Variants in SEMA6A observed in about 807,000 individuals in gnomAD.
SEMA6A encodes semaphorin-6A.
Under a neutral mutation model 96.8 loss-of-function variants are expected in SEMA6A, and 25 were observed. The ratio of observed to expected loss-of-function variants is 0.26; its 90% CI spans 0.19 to 0.36. SEMA6A has a LOEUF of 0.36. SEMA6A is among the 10% of genes least tolerant of loss of function. The pLI is 1.00. For missense variants in SEMA6A, 1,363 were observed against 1,323.1 expected (o/e 1.03, Z -0.47); for synonymous variants, 612 against 518.0 (o/e 1.18, Z -2.46).
At chr5:116,536,706 G>A (rs1034261605) in intron 1 of SEMA6A, among the ~76,000 whole-genome samples, 1 of 152,060 alleles carries the variant, frequency 6.6e-6, no homozygotes, top group African/African-American at 2.4e-5. Context: ...ACTGGCACCA[G>A]TCCCAGGTCC....
Position 116,482,494 on chromosome 5 carries a change from A to G in SEMA6A, c.1044T>C (p.Ser348=). ...GAACTGGTGTCCAGGTGGAATCAGGAGACTTCTGTTCCTTGAATCTCCCAG... is the reference window on the plus strand; with the variant it reads ...GAACTGGTGTCCAGGTGGAATCAGGGGACTTCTGTTCCTTGAATCTCCCAG... ...VFTGRFKEQK[S]PDSTWTPVPD... Residue 348 remains serine (S), a synonymous_variant, in exon 11 of 19, where the codon TCT becomes TCC. Coordinates refer to ENST00000343348, the MANE Select transcript of SEMA6A (RefSeq NM_020796.5). 1 of 1,613,586 alleles carries G rather than the reference A, an allele frequency of 6.2e-7. No homozygotes were observed. Among genetic ancestry groups the G allele is most frequent in the Non-Finnish European group, 8.5e-7 (1 of 1,179,660 alleles).
intron 11 of SEMA6A, among the ~76,000 whole-genome samples, chr5:116,481,718 G>C (rs1181434259): frequency 6.6e-6 from 1 of 152,152 alleles, no homozygotes; most frequent in African/African-American, 2.4e-5. Flanking sequence ...CCACAGAAGA[G>C]AGGCACGCAA....
chr5:116,486,539 T>TTATC, intron 10 of SEMA6A: 1 of 530,086 alleles, frequency 1.9e-6, no homozygotes, highest in Non-Finnish European at 3.4e-6. Context: ...TTGTCATAAT[T>TTATC]TATCTAATTA....
At chr5:116,471,785 A>G (rs533698692) in intron 17 of SEMA6A, 1 of 152,352 alleles carries the variant, frequency 6.6e-6, no homozygotes, top group African/African-American at 2.4e-5. Context: ...CTATTTATGT[A>G]TGCTAATTTG....
At chr5:116,562,900 G>GGCCCTCGAGCCCTT (rs1209046322) in intron 1 of SEMA6A, 6 of 606,062 alleles carry the variant, frequency 9.9e-6, no homozygotes, top group African/African-American at 1.9e-5. Context: ...GGGCCCAGTC[G>GGCCCTCGAGCCCTT]GCCCTCGAGC....
chr5:116,468,249 C>T (rs939712924), intron 17 of SEMA6A: 1 of 153,996 alleles, frequency 6.5e-6, no homozygotes, highest in African/African-American at 2.4e-5. Flanking sequence ...GTCCCTATCA[C>T]AAGTAACTCA....
At chr5:116,522,461 T>C (rs933872028) in intron 1 of SEMA6A, among the ~76,000 whole-genome samples, 4 of 152,124 alleles carry the variant, frequency 2.6e-5, no homozygotes, top group Non-Finnish European at 5.9e-5. Flanking sequence ...TTTATAGGCA[T>C]TGTGGTGTCA....
chr5:116,504,081 T>C (rs1758027197), intron 2 of SEMA6A, among the ~76,000 whole-genome samples: 1 of 152,230 alleles, frequency 6.6e-6, no homozygotes, highest in Non-Finnish European at 1.5e-5. Flanking sequence ...GTATTGCATA[T>C]TAATGTTAGA....
At chr5:116,488,520 C>T (rs1757175032) in intron 8 of SEMA6A, among the ~76,000 whole-genome samples, 1 of 152,210 alleles carries the variant, frequency 6.6e-6, no homozygotes, top group South Asian at 2.1e-4. Context: ...CACCCTGACT[C>T]ATACAGGGTT....
chr5:116,552,344 G>A (rs1760449448), intron 1 of SEMA6A, among the ~76,000 whole-genome samples: 1 of 152,052 alleles, frequency 6.6e-6, no homozygotes. Flanking sequence ...CACAGACTAA[G>A]TCTTTTTAGT....
At chr5:116,521,108 T>C (rs1758928655) in intron 1 of SEMA6A, among the ~76,000 whole-genome samples, 1 of 152,210 alleles carries the variant, frequency 6.6e-6, no homozygotes, top group Admixed American at 6.5e-5. Context: ...GGCAAGAACC[T>C]AATGAACATC....
intron 2 of SEMA6A, among the ~76,000 whole-genome samples, chr5:116,504,049 T>C (rs1442595995): frequency 1.3e-5 from 2 of 152,330 alleles, no homozygotes; most frequent in Non-Finnish European, 2.9e-5. Flanking sequence ...AGCTGAACAC[T>C]GGGCATATTT....
chr5:116,525,570 T>C (rs1459441639), intron 1 of SEMA6A, among the ~76,000 whole-genome samples: 1 of 152,196 alleles, frequency 6.6e-6, no homozygotes, highest in Admixed American at 6.5e-5. Context: ...CCCCCTGTCC[T>C]CAAAACTTCC....
chr5:116,494,828 G>A (rs1419221884), intron 6 of SEMA6A, among the ~76,000 whole-genome samples: 1 of 152,168 alleles, frequency 6.6e-6, no homozygotes, highest in Non-Finnish European at 1.5e-5. Flanking sequence ...GCCTGGCGAG[G>A]TCCCTGCTCC....
At chr5:116,453,958 C>T (rs2112596992) in intron 18 of SEMA6A, among the ~76,000 whole-genome samples, 1 of 152,234 alleles carries the variant, frequency 6.6e-6, no homozygotes, top group South Asian at 2.1e-4. Flanking sequence ...TACTCACCCC[C>T]ACCCCAATTA....
Position 116,446,479 on chromosome 5 carries a change from A to T in SEMA6A, c.*134T>A. ...TGAGTACCCCTGTGTCCCAGAGAGG[A>T]GGACCCAGCGTCCTCGGCTCTGCCG... is the stretch of plus-strand genomic sequence containing the variant. On this transcript the variant is annotated 3_prime_UTR_variant, in exon 19 of 19. Coordinates refer to ENST00000343348, the MANE Select transcript of SEMA6A (RefSeq NM_020796.5). 1 of 735,958 alleles carries T rather than the reference A, an allele frequency of 1.4e-6. No individual in the cohort carries two copies. The highest frequency in any genetic ancestry group is 2.1e-6 in the Non-Finnish European group (1 of 479,180). 45.6% of individuals were successfully genotyped at this position (735,958 alleles called of 1,614,324 possible).
At chr5:116,546,750 C>G (rs1198721437) in intron 1 of SEMA6A, among the ~76,000 whole-genome samples, 1 of 152,212 alleles carries the variant, frequency 6.6e-6, no homozygotes, top group South Asian at 2.1e-4. Flanking sequence ...CTTAACTCCC[C>G]TCCAATGAAC....
At chr5:116,459,418 G>A (rs544265624) in intron 18 of SEMA6A, among the ~76,000 whole-genome samples, 28 of 151,986 alleles carry the variant, frequency 1.8e-4, no homozygotes, top group Admixed American at 2.0e-4. Context: ...TCTTCCCAAC[G>A]TCTACCTTCC....
intron 1 of SEMA6A, among the ~76,000 whole-genome samples, chr5:116,525,337 C>G (rs568687335): frequency 6.6e-6 from 1 of 152,164 alleles, no homozygotes; most frequent in East Asian, 1.9e-4. Context: ...ATGATGTTTT[C>G]CCTTCGTACA....
Sources: gnomAD v4.1 joint callset for allele counts (sites outside exome capture counted in the v4.1 genomes callset) on GRCh38, gnomAD v4.1.1 for gene constraint, MANE v1.5 for transcripts, NCBI Gene and HGNC (gene_info 2026-07-23, HGNC 2026-07-21) for gene names.